Variants in PSMC5 observed in about 807,000 individuals in gnomAD.
PSMC5 encodes proteasome 26S subunit, ATPase 5, also known as 26S proteasome regulatory subunit 8.
PSMC5 carries 11 observed loss-of-function variants against 49.1 expected under a neutral mutation model. The observed-to-expected ratio is 0.22, with a 90% CI of 0.14 to 0.37. PSMC5 has a LOEUF of 0.37. Among genes scored for constraint, PSMC5 ranks in the 10% least tolerant of loss-of-function variants. The pLI is 1.00. For synonymous variants in PSMC5, 206 were observed against 192.2 expected, an observed-to-expected ratio of 1.07 and a Z score of -0.59; for missense variants, 229 against 520.9, an observed-to-expected ratio of 0.44 and a Z score of 5.45.
In PSMC5 at chr17:63,830,815, C is replaced by T; in HGVS notation, c.559C>T (p.Leu187=). 1 of 1,613,976 alleles carries T rather than the reference C, an allele frequency of 6.2e-7. No homozygotes were observed. The highest frequency in any genetic ancestry group is 8.5e-7 in the Non-Finnish European group (1 of 1,179,976). ...ALGIAQPKGV[L]LYGPPGTGKT... Reference sequence around the variant, plus strand: ...TCCTGCTGTTCCCCTGTAGGGAGTGCTGCTGTATGGACCTCCAGGCACTGG... The same window carrying T: ...TCCTGCTGTTCCCCTGTAGGGAGTGTTGCTGTATGGACCTCCAGGCACTGG... Residue 187 remains leucine (L), a synonymous_variant, in exon 7 of 12, where the codon CTG becomes TTG. Coordinates refer to ENST00000310144, the MANE Select transcript of PSMC5 (RefSeq NM_002805.6). The surrounding 1 kb of genome is among the most constrained non-coding windows in gnomAD (Gnocchi z 4.0).
chr17:63,828,033 C>T (rs982935535), intron 1 of PSMC5, 105 bp from the exon 2 acceptor site: 32 of 1,412,350 alleles, frequency 2.3e-5, no homozygotes, highest in Non-Finnish European at 3.1e-5. Context: ...ACTTTTTCTA[C>T]TACGCAAAGC....
In PSMC5 at chr17:63,831,446, A is replaced by C; in HGVS notation, c.969+21A>C. ...AGGAGGTTTGTGATGGACACTGTGCAAAGTGGCTCTGGCTGTGGGGGTGGG... is the reference window on the plus strand; with the variant it reads ...AGGAGGTTTGTGATGGACACTGTGCCAAGTGGCTCTGGCTGTGGGGGTGGG... On this transcript the variant is annotated intron_variant, in intron 9 of 11. Coordinates refer to ENST00000310144, the MANE Select transcript of PSMC5 (RefSeq NM_002805.6). The surrounding 1 kb of genome is among the most constrained non-coding windows in gnomAD (Gnocchi z 6.3). 1 of 1,613,368 alleles carries C rather than the reference A, an allele frequency of 6.2e-7. No individual in the cohort carries two copies. The highest frequency in any genetic ancestry group is 8.5e-7 in the Non-Finnish European group (1 of 1,179,366).
At position 63,831,443 on chromosome 17, in the gene PSMC5, T is replaced by A. The variant is rs936789903; in HGVS notation, c.969+18T>A. On this transcript the variant is annotated intron_variant, in intron 9 of 11. Coordinates refer to ENST00000310144, the MANE Select transcript of PSMC5 (RefSeq NM_002805.6). The surrounding 1 kb of genome is among the most constrained non-coding windows in gnomAD (Gnocchi z 6.3). ...ATGAGGAGGTTTGTGATGGACACTG[T>A]GCAAAGTGGCTCTGGCTGTGGGGGT... 6.2e-7 allele frequency: 1 copy of A among 1,613,346 alleles called. No homozygotes were observed. Among genetic ancestry groups the A allele is most frequent in the South Asian group, 1.1e-5 (1 of 91,070 alleles).
chr17:63,827,449 C>T lies in PSMC5; in HGVS notation c.-42C>T, dbSNP rs1022564043. ...ATCCTCCGCTTCCGCGCTTGCGCGC[C>T]AAGACGGCTCGGATGCCGGCGGTCT... On this transcript the variant is annotated 5_prime_UTR_variant, in exon 1 of 12. Coordinates refer to ENST00000310144, the MANE Select transcript of PSMC5 (RefSeq NM_002805.6). 2.2e-5 allele frequency: 34 copies of T among 1,551,632 alleles called. No individual in the cohort carries two copies. Among genetic ancestry groups the T allele is most frequent in the East Asian group, 4.9e-5 (2 of 40,932 alleles).
rs2040122140 is a variant in PSMC5 at position 63,827,487 on chromosome 17, G to C, written c.-4G>C. On this transcript the variant is annotated 5_prime_UTR_variant, in exon 1 of 12. Coordinates refer to ENST00000310144, the MANE Select transcript of PSMC5 (RefSeq NM_002805.6). ...ATGCCGGCGGTCTCTGCTGAAGAGA[G>C]AAGATGGCGCTTGACGGACCAGAGC... is the stretch of plus-strand genomic sequence containing the variant. 6.4e-7 allele frequency: 1 copy of C among 1,551,758 alleles called. No individual in the cohort carries two copies. Among genetic ancestry groups the C allele is most frequent in the Non-Finnish European group, 8.7e-7 (1 of 1,147,002 alleles).
At position 63,830,623 on chromosome 17, in the gene PSMC5, C is replaced by T; in HGVS notation, c.552+122C>T. The T allele has an allele frequency of 6.7e-7, 1 of 1,493,070 alleles. No homozygotes were observed. The highest frequency in any genetic ancestry group is 8.9e-7 in the Non-Finnish European group (1 of 1,119,752). 92.5% of individuals were successfully genotyped at this position (1,493,070 alleles called of 1,614,324 possible). A position where few individuals can be genotyped will look rare whatever the true frequency, so the allele number is the denominator to read the frequency against. ...TGCATCTTGCTTGGGCTGGCCCTCC[C>T]CCTGAAAAGAGTGGCTGGGGAAGTG... is the stretch of plus-strand genomic sequence containing the variant. On this transcript the variant is annotated intron_variant, in intron 6 of 11. Transcript: ENST00000310144. This position sits in a 1 kb window ranked among gnomAD's most constrained non-coding sequence, Gnocchi z 4.0.
At position 63,831,471 on chromosome 17, in the gene PSMC5, G is replaced by A. The variant is rs1261906875; in HGVS notation, c.970-35G>A. On this transcript the variant is annotated intron_variant, in intron 9 of 11. Transcript: ENST00000310144. This position sits in a 1 kb window ranked among gnomAD's most constrained non-coding sequence, Gnocchi z 6.3. Reference sequence around the variant, plus strand: ...AAAGTGGCTCTGGCTGTGGGGGTGGGGTGTGGGGCTCAGGCTTTTCCTTGC... The same window carrying A: ...AAAGTGGCTCTGGCTGTGGGGGTGGAGTGTGGGGCTCAGGCTTTTCCTTGC... 6.2e-7 allele frequency: 1 copy of A among 1,612,664 alleles called. No homozygotes were observed. Among genetic ancestry groups the A allele is most frequent in the Admixed American group, 1.7e-5 (1 of 60,012 alleles).
chr17:63,829,143 G>T, intron 2 of PSMC5: 1 of 243,880 alleles, frequency 4.1e-6, no homozygotes, highest in Non-Finnish European at 8.0e-6. Flanking sequence ...GATTGACAGC[G>T]GCTGGGCTAG....
chr17:63,831,320 T>C lies in PSMC5; in HGVS notation c.871-7T>C. 2 of 1,613,802 alleles carry C rather than the reference T, an allele frequency of 1.2e-6. No individual in the cohort carries two copies. The highest frequency in any genetic ancestry group is 8.5e-7 in the Non-Finnish European group (1 of 1,179,870). The stretch of plus-strand genomic sequence containing the variant: ...TTAGCTGATCCCCACTTGCTTTCTC[T>C]GCTCAGGTTATCATGGCTACTAATA... On this transcript the variant is annotated splice_polypyrimidine_tract_variant and splice_region_variant and intron_variant, in intron 8 of 11. Transcript: ENST00000310144. The surrounding 1 kb of genome is among the most constrained non-coding windows in gnomAD (Gnocchi z 6.3).
chr17:63,829,453 C>T (rs117437442), intron 2 of PSMC5, 41 bp from the exon 3 acceptor site: 35,694 of 1,541,478 alleles, frequency 0.023, 495 homozygotes, highest in Non-Finnish European at 0.028. Context: ...CCTCCTGTCT[C>T]CTGCCCTTGA....
rs2040164323 is a variant in PSMC5, at chr17:63,830,118, C to T, written c.265-15C>T. On this transcript the variant is annotated splice_polypyrimidine_tract_variant and intron_variant, in intron 4 of 11. Coordinates refer to ENST00000310144, the MANE Select transcript of PSMC5 (RefSeq NM_002805.6). This position sits in a 1 kb window ranked among gnomAD's most constrained non-coding sequence, Gnocchi z 4.0. ...GGTGGCTGTCAAGGAAGGTCATGAGCCCTTGTTTCTTTAGGTACATCCTGA... is the reference window on the plus strand; with the variant it reads ...GGTGGCTGTCAAGGAAGGTCATGAGTCCTTGTTTCTTTAGGTACATCCTGA... 1 of 1,612,054 alleles carries T rather than the reference C, an allele frequency of 6.2e-7. No individual in the cohort carries two copies. The highest frequency in any genetic ancestry group is 1.3e-5 in the African/African-American group (1 of 74,868).
rs773029446 is a variant in PSMC5, at chr17:63,829,832, TG to T, written c.167-19del. 3.7e-6 allele frequency: 6 copies of T among 1,612,486 alleles called. 1 individual carries two copies. In the South Asian group the frequency reaches 5.5e-5, roughly 15 times the overall value. On this transcript the variant is annotated intron_variant, in intron 3 of 11. Transcript: ENST00000310144. ...TCCAAAGGAGTAGCTAGGTGACCAC[TG>T]TGTCTGTTTGCCATCTAGTTCGCCT...
In PSMC5 at chr17:63,831,177, T is replaced by C; in HGVS notation, c.821T>C (p.Leu274Pro). The change falls in exon 8 of 12, where the codon CTG (leucine) becomes CCG (proline). Residue 274 changes from leucine (L) to proline (P), a missense_variant. Leu to Pro is a moderately conservative substitution (Grantham distance 98). Coordinates refer to ENST00000310144, the MANE Select transcript of PSMC5 (RefSeq NM_002805.6). The surrounding 1 kb of genome is among the most constrained non-coding windows in gnomAD (Gnocchi z 6.3). ...GGDSEVQRTM[L>P]ELLNQLDGFE... ...GACAGTGAAGTGCAGCGCACGATGC[T>C]GGAGTTGCTCAACCAGCTCGACGGC... 6.4e-7 allele frequency: 1 copy of C among 1,561,110 alleles called. No individual in the cohort carries two copies. The highest frequency in any genetic ancestry group is 8.7e-7 in the Non-Finnish European group (1 of 1,152,590).
At position 63,830,036 on chromosome 17, in the gene PSMC5, G is replaced by A; in HGVS notation, c.264+87G>A. On this transcript the variant is annotated intron_variant, in intron 4 of 11. Coordinates refer to ENST00000310144, the MANE Select transcript of PSMC5 (RefSeq NM_002805.6). This position sits in a 1 kb window ranked among gnomAD's most constrained non-coding sequence, Gnocchi z 4.0. ...GTAGCCTCGGGAGACAGGGTTCTGTGTTCTGTCAAGGTATTGTGGGATTCT... is the reference window on the plus strand; with the variant it reads ...GTAGCCTCGGGAGACAGGGTTCTGTATTCTGTCAAGGTATTGTGGGATTCT... 1 of 1,565,874 alleles carries A rather than the reference G, an allele frequency of 6.4e-7. No homozygotes were observed. Among genetic ancestry groups the A allele is most frequent in the Non-Finnish European group, 8.7e-7 (1 of 1,150,558 alleles).
At chr17:63,828,510 G>A in intron 2 of PSMC5, 1 of 262,960 alleles carries the variant, frequency 3.8e-6, no homozygotes, top group Non-Finnish European at 7.3e-6. Flanking sequence ...CGAATGAAAA[G>A]GATTCTTATA....
At position 63,830,688 on chromosome 17, in the gene PSMC5, G is replaced by T; in HGVS notation, c.553-121G>T. 1.4e-6 allele frequency: 2 copies of T among 1,384,888 alleles called. No homozygotes were observed. Among genetic ancestry groups the T allele is most frequent in the Non-Finnish European group, 9.4e-7 (1 of 1,064,198 alleles). 85.8% of individuals were successfully genotyped at this position (1,384,888 alleles called of 1,614,324 possible). ...AGGTGGTTTGGATAGAAGGGACCTT[G>T]ATGTTCCTTTTTTTTTTTTGTATCC... On this transcript the variant is annotated intron_variant, in intron 6 of 11. Coordinates refer to ENST00000310144, the MANE Select transcript of PSMC5 (RefSeq NM_002805.6). The surrounding 1 kb of genome is among the most constrained non-coding windows in gnomAD (Gnocchi z 4.0).
intron 1 of PSMC5, 126 bp from the exon 2 acceptor site, chr17:63,828,012 C>G: frequency 9.8e-6 from 13 of 1,331,684 alleles, no homozygotes; most frequent in Non-Finnish European, 1.4e-5. Flanking sequence ...TCCTGAGCCT[C>G]CGAAGTCCAA....
intron 1 of PSMC5, 46 bp from the exon 2 acceptor site, chr17:63,828,092 C>T (rs750756034): frequency 6.2e-7 from 1 of 1,608,452 alleles, no homozygotes; most frequent in Non-Finnish European, 8.5e-7. Context: ...GGCTTTACCC[C>T]CTCGGATGTT....
intron 2 of PSMC5, 78 bp from the exon 3 acceptor site, chr17:63,829,416 T>A: frequency 7.5e-7 from 1 of 1,332,936 alleles, no homozygotes; most frequent in South Asian, 1.3e-5. Context: ...CATTCAGACC[T>A]GTGAGGTCTT....
Sources: gnomAD v4.1 joint callset for allele counts on GRCh38, gnomAD v4.1.1 for gene constraint, Gnocchi (gnomAD v3.1) non-coding constraint, MANE v1.5 for transcripts, NCBI Gene and HGNC (gene_info 2026-07-23, HGNC 2026-07-21) for gene names.